Variants in ASTN1 observed in about 807,000 individuals in gnomAD.
The protein encoded by ASTN1 is astrotactin-1.
A neutral mutation model predicts 140.7 loss-of-function variants in ASTN1; 41 were observed. The observed-to-expected ratio is 0.29, with a 90% CI of 0.23 to 0.38. ASTN1 has a LOEUF of 0.38. ASTN1 is among the 10% of genes least tolerant of loss of function. The pLI, the probability that ASTN1 is intolerant of heterozygous loss-of-function variation, is 1.00. For synonymous variants in ASTN1, 640 were observed against 652.2 expected (o/e 0.98, Z 0.29); for missense variants, 1,479 against 1,678.8 (o/e 0.88, Z 2.08).
chr1:176,925,836 C>T (rs558863252), intron 16 of ASTN1, among the ~76,000 whole-genome samples: 135 of 147,582 alleles, frequency 9.1e-4, no homozygotes, highest in Middle Eastern at 3.6e-3. Context: ...TGAGGAGTCT[C>T]GCTCTGTCAC....
chr1:177,148,417 C>CA (rs779226602), intron 1 of ASTN1, among the ~76,000 whole-genome samples: 6,584 of 91,108 alleles, frequency 0.072, 190 homozygotes, highest in Middle Eastern at 0.15. Context: ...GACTCCGTCT[C>CA]AAAAAAAAAA....
At chr1:176,891,516 G>A (rs573101400) in intron 17 of ASTN1, among the ~76,000 whole-genome samples, 17 of 152,306 alleles carry the variant, frequency 1.1e-4, no homozygotes, top group Admixed American at 6.5e-4. Flanking sequence ...GATACAAGCC[G>A]GGCACGGTGG....
At chr1:176,911,112 T>A (rs1670219370) in intron 16 of ASTN1, among the ~76,000 whole-genome samples, 1 of 152,202 alleles carries the variant, frequency 6.6e-6, no homozygotes, top group Non-Finnish European at 1.5e-5. Flanking sequence ...GTAACACATG[T>A]AAGTATTTGT....
chr1:177,030,933 C>T lies in ASTN1; in HGVS notation c.885G>A (p.Leu295=). The T allele has an allele frequency of 6.2e-7, 1 of 1,613,474 alleles. No individual in the cohort carries two copies. The highest frequency in any genetic ancestry group is 1.1e-5 in the South Asian group (1 of 90,980). The change falls in exon 4 of 23, where the codon CTG becomes CTA. Residue 295 remains leucine, a synonymous_variant. Transcript: ENST00000361833. ...DLTPGSDNAK[L]SLMNKYKDNI... The stretch of plus-strand genomic sequence containing the variant: ...TATCTTTATACTTGTTCATCAGTGA[C>T]AGCTTGGCATTGTCACTTCCTGTAT...
At chr1:177,058,856 C>G (rs1677938574) in intron 2 of ASTN1, among the ~76,000 whole-genome samples, 1 of 151,178 alleles carries the variant, frequency 6.6e-6, no homozygotes, top group Non-Finnish European at 1.5e-5. Flanking sequence ...TACACACACA[C>G]TTCTCTAGAA....
intron 1 of ASTN1, among the ~76,000 whole-genome samples, chr1:177,157,419 A>G (rs1282253356): frequency 2.0e-5 from 3 of 152,128 alleles, no homozygotes; most frequent in African/African-American, 2.4e-5. Context: ...GGCTCAAGCC[A>G]TCTTCCCACC....
intron 8 of ASTN1, among the ~76,000 whole-genome samples, chr1:177,013,906 C>A (rs2101938078): frequency 6.6e-6 from 1 of 152,248 alleles, no homozygotes; most frequent in South Asian, 2.1e-4. Flanking sequence ...GAGGGCAGGG[C>A]ACAGTGGCTC....
chr1:177,058,305 A>C lies in ASTN1; in HGVS notation c.471+2773T>G, dbSNP rs543815392. On this transcript the variant is annotated intron_variant, in intron 2 of 22. Transcript: ENST00000361833. ...TTGGCCTGTCCACATACAAGAGGCC[A>C]ACCCAAAGACAACACAAATCTTTTG... Among the ~76,000 whole-genome samples, 7 of 152,314 alleles carry C rather than the reference A, an allele frequency of 4.6e-5. No homozygotes were observed. In the East Asian group the frequency reaches 1.4e-3, roughly 29 times the overall value.
At chr1:177,103,718 G>A (rs1248949988) in intron 1 of ASTN1, among the ~76,000 whole-genome samples, 3 of 152,080 alleles carry the variant, frequency 2.0e-5, no homozygotes, top group Non-Finnish European at 4.4e-5. Flanking sequence ...CCCTGAGTTA[G>A]GTTGTTTTAC....
At chr1:177,148,417 CAAA>C (rs779226602) in intron 1 of ASTN1, among the ~76,000 whole-genome samples, 10 of 91,374 alleles carry the variant, frequency 1.1e-4, no homozygotes, top group Non-Finnish European at 1.1e-4. Context: ...GACTCCGTCT[CAAA>C]AAAAAAAAAA....
At chr1:177,127,954 A>G (rs114496002) in intron 1 of ASTN1, among the ~76,000 whole-genome samples, 1 of 152,330 alleles carries the variant, frequency 6.6e-6, no homozygotes, top group African/African-American at 2.4e-5. Flanking sequence ...CTTTACAAAT[A>G]ATAACTTACA....
rs747471104 is a variant in ASTN1, at chr1:176,876,525, G to A, written c.3463+12C>T. 1.1e-5 allele frequency: 18 copies of A among 1,613,666 alleles called. No individual in the cohort carries two copies. The highest frequency in any genetic ancestry group is 6.6e-5 in the South Asian group (6 of 91,060). The stretch of plus-strand genomic sequence containing the variant: ...TCCCTTCAGAAACACTGCTAACTTC[G>A]ATGTCTCTTACCTTGAGCCTTGACA... On this transcript the variant is annotated intron_variant, in intron 21 of 22. Coordinates refer to ENST00000361833, the MANE Select transcript of ASTN1 (RefSeq NM_004319.3).
At chr1:176,885,566 A>T (rs193024830) in intron 18 of ASTN1, among the ~76,000 whole-genome samples, 1 of 152,186 alleles carries the variant, frequency 6.6e-6, no homozygotes, top group Non-Finnish European at 1.5e-5. Flanking sequence ...TGGTTCCCAG[A>T]TATCATGATC....
At chr1:176,912,721 G>C (rs1367741824) in intron 16 of ASTN1, among the ~76,000 whole-genome samples, 1 of 152,136 alleles carries the variant, frequency 6.6e-6, no homozygotes, top group Non-Finnish European at 1.5e-5. Flanking sequence ...AGGAACACAG[G>C]GGGATGGTGG....
chr1:177,140,881 A>G (rs1477242006), intron 1 of ASTN1, among the ~76,000 whole-genome samples: 1 of 152,106 alleles, frequency 6.6e-6, no homozygotes, highest in African/African-American at 2.4e-5. Context: ...TATCTTGGGG[A>G]AACTATTTAC....
intron 8 of ASTN1, among the ~76,000 whole-genome samples, chr1:176,979,749 T>C (rs1327756306): frequency 6.6e-6 from 1 of 152,090 alleles, no homozygotes; most frequent in Non-Finnish European, 1.5e-5. Context: ...TTCTGGTGAT[T>C]ATAAGTTAGC....
chr1:176,917,254 T>C (rs1310226539), intron 16 of ASTN1, among the ~76,000 whole-genome samples: 1 of 152,216 alleles, frequency 6.6e-6, no homozygotes, highest in Non-Finnish European at 1.5e-5. Flanking sequence ...TATTCATCAA[T>C]GTATTCCTAA....
rs572766655 is a variant in ASTN1 at position 176,861,599 on chromosome 1, T to C, written c.*2685A>G. ...GTCAATTGTACAACCATCCTAAGATTTTCCCCTGCCCTGTTCATATCAGCC... is the reference window on the plus strand; with the variant it reads ...GTCAATTGTACAACCATCCTAAGATCTTCCCCTGCCCTGTTCATATCAGCC... On this transcript the variant is annotated 3_prime_UTR_variant, in exon 23 of 23. Coordinates refer to ENST00000361833, the MANE Select transcript of ASTN1 (RefSeq NM_004319.3). 6.1e-5 allele frequency: 60 copies of C among 985,550 alleles called. No homozygotes were observed. The African/African-American group carries it at 1.0e-3, about 17-fold the overall frequency. The allele number at this position is 985,550 out of a possible 1,614,324, so 61.1% of individuals were successfully genotyped here. A position where few individuals can be genotyped will look rare whatever the true frequency, so the allele number is the denominator to read the frequency against.
intron 8 of ASTN1, among the ~76,000 whole-genome samples, chr1:176,973,880 GC>G (rs750471996): frequency 6.6e-6 from 1 of 152,098 alleles, no homozygotes; most frequent in Non-Finnish European, 1.5e-5. Context: ...TATAAGAAGG[GC>G]CCTCCATGGA....
Sources: allele counts gnomAD v4.1 joint callset (sites outside exome capture counted in the v4.1 genomes callset), GRCh38; gene constraint gnomAD v4.1.1; transcripts MANE v1.5; gene names NCBI Gene and HGNC (gene_info 2026-07-23, HGNC 2026-07-21).